Variants in RGS6 observed in about 807,000 individuals in gnomAD.
RGS6 encodes regulator of G-protein signaling 6.
Under a neutral mutation model 78.5 loss-of-function variants are expected in RGS6, and 30 were observed. The observed-to-expected ratio is 0.38, with a 90% confidence interval of 0.29 to 0.52. The LOEUF is 0.52. Among genes scored for constraint, RGS6 ranks in the 20% least tolerant of loss-of-function variants. The pLI is 0.85. For synonymous variants in RGS6, 206 were observed against 206.0 expected (o/e 1.00, Z 0.00); for missense variants, 495 against 609.7 (o/e 0.81, Z 1.98).
upstream of RGS6, among the ~76,000 whole-genome samples, chr14:71,929,736 T>C (rs1384623750): frequency 3.3e-5 from 5 of 152,218 alleles, no homozygotes; most frequent in Non-Finnish European, 7.3e-5. Flanking sequence ...GGTGGTTTTC[T>C]AATTCTATCT....
At chr14:72,039,044 T>A (rs1177744679) in intron 2 of RGS6, among the ~76,000 whole-genome samples, 1 of 152,238 alleles carries the variant, frequency 6.6e-6, no homozygotes, top group Non-Finnish European at 1.5e-5. Context: ...GGTTTTCCAA[T>A]GATATGTCCT....
At chr14:72,241,593 T>A (rs2052845870) in intron 2 of RGS6, among the ~76,000 whole-genome samples, 1 of 152,230 alleles carries the variant, frequency 6.6e-6, no homozygotes. Flanking sequence ...TCACACAATG[T>A]TATGGTTTGA....
intron 2 of RGS6, among the ~76,000 whole-genome samples, chr14:72,255,831 A>C (rs1249337114): frequency 6.6e-6 from 1 of 152,322 alleles, no homozygotes; most frequent in East Asian, 1.9e-4. Flanking sequence ...AGTTTCTCAC[A>C]TTCTCTAGGG....
At chr14:71,987,740 T>TGAACTCCTGGGCTC in intron 2 of RGS6, among the ~76,000 whole-genome samples, 1 of 152,136 alleles carries the variant, frequency 6.6e-6, no homozygotes, top group Non-Finnish European at 1.5e-5. Context: ...AGGCTGGGCT[T>TGAACTCCTGGGCTC]GAACTCCTGG....
At chr14:71,957,047 TGAC>T (rs763165177) in intron 1 of RGS6, among the ~76,000 whole-genome samples, 41 of 152,078 alleles carry the variant, frequency 2.7e-4, no homozygotes, top group Admixed American at 6.5e-5. Context: ...TTTGAGGTGA[TGAC>T]AAAGTTTAGG....
rs538685663 is a variant in RGS6 at position 72,496,853 on chromosome 14, T to C, written c.965+1591T>C. Among the ~76,000 whole-genome samples the C allele has an allele frequency of 4.1e-4, 63 of 152,004 alleles. 1 individual carries two copies. Among genetic ancestry groups the C allele is most frequent in the Non-Finnish European group, 2.4e-4 (16 of 67,948 alleles). On this transcript the variant is annotated intron_variant, in intron 13 of 17. Transcript: ENST00000553525. ...CAATATATATACCCAAATATGTACA[T>C]ATATATATATAGTCCAATAATTTTT...
intron 2 of RGS6, among the ~76,000 whole-genome samples, chr14:72,026,321 C>T (rs753999306): frequency 7.2e-5 from 11 of 152,034 alleles, no homozygotes; most frequent in African/African-American, 2.2e-4. Context: ...GCAGAAGAAT[C>T]GCTTGAACCC....
At chr14:72,587,815 G>A in the RGS6 span, among the ~76,000 whole-genome samples, 4 of 152,118 alleles carry the variant, frequency 2.6e-5, no homozygotes, top group Admixed American at 6.5e-5. Context: ...GGCACAACCC[G>A]CCCTGCTTGG....
intron 2 of RGS6, among the ~76,000 whole-genome samples, chr14:72,326,857 G>A (rs1009441160): frequency 5.2e-4 from 79 of 152,222 alleles, no homozygotes; most frequent in African/African-American, 1.3e-3. Flanking sequence ...ACAGGCGCCC[G>A]CCACCATGCC....
chr14:72,624,333 CTTTTTTTTTT>C, the RGS6 span, among the ~76,000 whole-genome samples: 1 of 97,796 alleles, frequency 1.0e-5, no homozygotes, highest in Admixed American at 1.3e-4. Context: ...ACCTATGTCT[CTTTTTTTTTT>C]TTTTTTTTTT....
At chr14:72,458,141 A>G (rs978353655) in intron 4 of RGS6, 130 bp from the exon 5 acceptor site, 5 of 681,970 alleles carry the variant, frequency 7.3e-6, no homozygotes, top group African/African-American at 1.8e-5. Flanking sequence ...CCCCACACTG[A>G]GCAAGGGCAA....
At chr14:72,076,139 C>G (rs1340259458) in intron 2 of RGS6, among the ~76,000 whole-genome samples, 1 of 152,110 alleles carries the variant, frequency 6.6e-6, no homozygotes, top group Non-Finnish European at 1.5e-5. Flanking sequence ...TTTGTCATGC[C>G]ATTACTAGAG....
chr14:72,592,683 G>C, the RGS6 span, among the ~76,000 whole-genome samples: 1 of 152,238 alleles, frequency 6.6e-6, no homozygotes, highest in African/African-American at 2.4e-5. Flanking sequence ...CCCTTTCCAA[G>C]AGGGAGAGAG....
intron 12 of RGS6, among the ~76,000 whole-genome samples, chr14:72,486,288 G>C (rs531118334): frequency 6.6e-6 from 1 of 152,258 alleles, no homozygotes; most frequent in South Asian, 2.1e-4. Context: ...CAGGAGAATG[G>C]ACTAATACAA....
At chr14:72,288,296 C>G (rs2062954520) in intron 2 of RGS6, among the ~76,000 whole-genome samples, 1 of 152,170 alleles carries the variant, frequency 6.6e-6, no homozygotes, top group African/African-American at 2.4e-5. Flanking sequence ...ACTTTTAAGA[C>G]TCTTCTAATT....
At chr14:72,401,713 A>G (rs573310257) in intron 3 of RGS6, among the ~76,000 whole-genome samples, 2 of 152,310 alleles carry the variant, frequency 1.3e-5, no homozygotes, top group Middle Eastern at 3.4e-3. Flanking sequence ...GATGCTTAAA[A>G]TAAAGCAAGG....
At chr14:72,298,449 TTTTTTTCC>T (rs1177899789) in intron 2 of RGS6, among the ~76,000 whole-genome samples, 36 of 86,914 alleles carry the variant, frequency 4.1e-4, no homozygotes, top group African/African-American at 2.0e-3. Context: ...TTTTTTTTTT[TTTTTTTCC>T]CCCCCTCTGA....
At chr14:72,118,051 CA>C (rs1050095870) in intron 2 of RGS6, among the ~76,000 whole-genome samples, 31 of 152,158 alleles carry the variant, frequency 2.0e-4, no homozygotes, top group African/African-American at 7.2e-4. Flanking sequence ...GAAAATATGG[CA>C]CCATTATCAT....
intron 2 of RGS6, among the ~76,000 whole-genome samples, chr14:72,308,367 G>A (rs1481926207): frequency 1.3e-5 from 2 of 152,130 alleles, no homozygotes; most frequent in Non-Finnish European, 2.9e-5. Flanking sequence ...AAAGCCCCCT[G>A]TGATCATCTC....
Sources: allele counts gnomAD v4.1 joint callset (sites outside exome capture counted in the v4.1 genomes callset), GRCh38; gene constraint gnomAD v4.1.1; transcripts MANE v1.5; gene names NCBI Gene and HGNC (gene_info 2026-07-23, HGNC 2026-07-21).